The following IL19 variants were observed in gnomAD, a reference collection of about 807,000 sequenced individuals.
The protein encoded by IL19 is interleukin 19, also known as interleukin-19.
A neutral mutation model predicts 19.5 loss-of-function variants in IL19; 15 were observed. The observed-to-expected ratio is 0.77, with a 90% CI of 0.52 to 1.19. IL19 has a LOEUF of 1.19. Ranked by LOEUF, IL19 falls within the 50% of genes most tolerant of loss-of-function variation. IL19 has a pLI of 0.00. For synonymous variants in IL19, 78 were observed against 78.3 expected (o/e 1.00, Z 0.02); for missense variants, 199 against 213.1 (o/e 0.93, Z 0.41).
intron 2 of IL19, among the ~76,000 whole-genome samples, chr1:206,816,189 A>T (rs1241391952): frequency 1.3e-5 from 2 of 152,240 alleles, no homozygotes; most frequent in African/African-American, 4.8e-5. Context: ...TCCTTTAGGC[A>T]GGAAGAAAAT....
In IL19 at chr1:206,805,207, G is replaced by T. The variant is rs74999270; in HGVS notation, c.-3+6201G>T. 3.0e-3 allele frequency among the ~76,000 whole-genome samples: 451 copies of T among 152,304 alleles called. 4 individuals are homozygous for T. Among genetic ancestry groups the T allele is most frequent in the African/African-American group, 0.01 (431 of 41,564 alleles). ...CTCAATGGGACTTTGAGCAAATTAA[G>T]AGTGAAAACACATCTGTACTGATCC... On this transcript the variant is annotated intron_variant, in intron 2 of 6. Transcript: ENST00000659997.
intron 1 of IL19, among the ~76,000 whole-genome samples, chr1:206,791,964 G>A (rs1362014757): frequency 1.3e-5 from 2 of 152,162 alleles, no homozygotes; most frequent in Non-Finnish European, 2.9e-5. Context: ...TGTGGGTGGG[G>A]AGGCCCTGGG....
chr1:206,814,792 C>G, intron 2 of IL19, among the ~76,000 whole-genome samples: 1 of 151,880 alleles, frequency 6.6e-6, no homozygotes, highest in East Asian at 1.9e-4. Context: ...GTGAGTCCTA[C>G]TAGGACAGGA....
intron 2 of IL19, among the ~76,000 whole-genome samples, chr1:206,817,423 A>G (rs976426019): frequency 4.6e-5 from 7 of 152,190 alleles, no homozygotes; most frequent in African/African-American, 1.4e-4. Flanking sequence ...TTCTTTTCTC[A>G]AAAACTCAAT....
At chr1:206,782,381 A>C (rs1263640326) in intron 1 of IL19, among the ~76,000 whole-genome samples, 1 of 151,106 alleles carries the variant, frequency 6.6e-6, no homozygotes, top group African/African-American at 2.4e-5. Flanking sequence ...AAGACCTCTC[A>C]GGGTTTCTCA....
At chr1:206,812,690 A>C (rs1275401614) in intron 2 of IL19, among the ~76,000 whole-genome samples, 1 of 152,178 alleles carries the variant, frequency 6.6e-6, no homozygotes, top group Non-Finnish European at 1.5e-5. Flanking sequence ...CCACATAAAA[A>C]ACCCCAACCG....
chr1:206,838,736 TTTCCCTTCCC>T (rs528779104), intron 4 of IL19, among the ~76,000 whole-genome samples: 47,751 of 116,530 alleles, frequency 0.41, 10,707 homozygotes, highest in Non-Finnish European at 0.47. Context: ...CTTCCCTTCC[TTTCCCTTCCC>T]TTCCCTTCCC....
chr1:206,805,822 G>A (rs939074586), intron 2 of IL19, among the ~76,000 whole-genome samples: 1 of 152,208 alleles, frequency 6.6e-6, no homozygotes, highest in Admixed American at 6.5e-5. Flanking sequence ...AAAACTGAAT[G>A]CGCTTACTGT....
intron 2 of IL19, among the ~76,000 whole-genome samples, chr1:206,802,159 G>T (rs1371379935): frequency 6.6e-6 from 1 of 152,170 alleles, no homozygotes; most frequent in Non-Finnish European, 1.5e-5. Flanking sequence ...ATAGAGAAGG[G>T]AACAGAGGCC....
At chr1:206,826,859 T>C (rs764548518) in intron 2 of IL19, among the ~76,000 whole-genome samples, 27 of 152,116 alleles carry the variant, frequency 1.8e-4, no homozygotes, top group African/African-American at 5.3e-4. Flanking sequence ...GGGAGGAAGT[T>C]TGAAGTGAGA....
intron 1 of IL19, among the ~76,000 whole-genome samples, chr1:206,772,795 G>T (rs1674891528): frequency 6.6e-6 from 1 of 152,158 alleles, no homozygotes; most frequent in African/African-American, 2.4e-5. Context: ...TGTGCGCAGA[G>T]GCCCTCAGCT....
At chr1:206,813,967 T>C (rs1676083263) in intron 2 of IL19, among the ~76,000 whole-genome samples, 2 of 152,210 alleles carry the variant, frequency 1.3e-5, no homozygotes, top group African/African-American at 4.8e-5. Context: ...AGCCTGCCAA[T>C]CTGCCCTACA....
intron 1 of IL19, among the ~76,000 whole-genome samples, chr1:206,783,332 T>C (rs566701089): frequency 2.0e-5 from 3 of 152,304 alleles, no homozygotes; most frequent in African/African-American, 7.2e-5. Context: ...TGATACTCTT[T>C]TGATGATTTT....
chr1:206,801,816 C>T (rs924559844), intron 2 of IL19, among the ~76,000 whole-genome samples: 1 of 152,242 alleles, frequency 6.6e-6, no homozygotes, highest in Non-Finnish European at 1.5e-5. Context: ...TCATGAGCAA[C>T]AGTGCCTGAC....
chr1:206,816,941 C>T (rs183600055), intron 2 of IL19, among the ~76,000 whole-genome samples: 2 of 152,272 alleles, frequency 1.3e-5, no homozygotes, highest in Non-Finnish European at 2.9e-5. Context: ...AAAGAAACAA[C>T]TTGCTGAAAA....
intron 1 of IL19, among the ~76,000 whole-genome samples, chr1:206,790,419 C>A (rs1675369408): frequency 6.6e-6 from 1 of 152,038 alleles, no homozygotes; most frequent in Non-Finnish European, 1.5e-5. Context: ...TCCCCGTCTA[C>A]TGCAGGGGAA....
chr1:206,836,710 A>C lies in IL19; in HGVS notation c.48A>C (p.Ile16=). ...VSLWLLGTIL[I]LCSVDNHGLR... The stretch of plus-strand genomic sequence containing the variant: ...TTTGGCTCCTGGGTACAATACTGAT[A>C]TTGTGCTCAGTAGACAACCACGGTC... Residue 16 remains isoleucine (I), a synonymous_variant, in exon 3 of 7, where the codon ATA becomes ATC. Transcript: ENST00000659997. 1 of 1,613,342 alleles carries C rather than the reference A, an allele frequency of 6.2e-7. No individual in the cohort carries two copies. The highest frequency in any genetic ancestry group is 1.3e-5 in the African/African-American group (1 of 75,008).
chr1:206,776,815 A>G (rs1217039665), intron 1 of IL19, among the ~76,000 whole-genome samples: 1 of 151,202 alleles, frequency 6.6e-6, no homozygotes, highest in Admixed American at 6.6e-5. Flanking sequence ...ATCGGGACAT[A>G]AACCCGGGCA....
chr1:206,778,454 C>T (rs1355390339), intron 1 of IL19, among the ~76,000 whole-genome samples: 2 of 152,110 alleles, frequency 1.3e-5, no homozygotes, highest in Non-Finnish European at 2.9e-5. Flanking sequence ...TCTTTTAGCT[C>T]CAGGACTGTC....
Sources: allele counts gnomAD v4.1 joint callset (sites outside exome capture counted in the v4.1 genomes callset), GRCh38; gene constraint gnomAD v4.1.1; transcripts MANE v1.5; gene names NCBI Gene and HGNC (gene_info 2026-07-23, HGNC 2026-07-21).